Variants in RPS6KA2 observed in about 807,000 individuals in gnomAD.
The protein encoded by RPS6KA2 is ribosomal protein S6 kinase A2, also known as ribosomal protein S6 kinase alpha-2.
RPS6KA2 carries 42 observed loss-of-function variants against 91.8 expected under a neutral mutation model. The observed-to-expected ratio is 0.46, with a 90% CI of 0.36 to 0.59. The LOEUF is 0.59. Among genes scored for constraint, RPS6KA2 ranks in the 20% least tolerant of loss-of-function variants. The pLI is 0.00. For missense variants in RPS6KA2, 798 were observed against 978.5 expected (o/e 0.82, Z 2.46); for synonymous variants, 414 against 393.6 (o/e 1.05, Z -0.61).
At chr6:166,827,270 A>G (rs1408514029) in intron 2 of RPS6KA2, among the ~76,000 whole-genome samples, 1 of 112,832 alleles carries the variant, frequency 8.9e-6, no homozygotes, top group Non-Finnish European at 2.0e-5. Context: ...AAAAAAAAAA[A>G]AAAAAAAAAA....
At chr6:166,576,608 T>A (rs554288660) in intron 1 of RPS6KA2, among the ~76,000 whole-genome samples, 1 of 152,200 alleles carries the variant, frequency 6.6e-6, no homozygotes, top group Admixed American at 6.5e-5. Flanking sequence ...GAGAGATGAG[T>A]TCAGGTATCT....
rs1223629378 is a variant in RPS6KA2 at position 166,563,225 on chromosome 6, CTGGAGAAGGAAGA to C, written c.100-24454_100-24442del. On this transcript the variant is annotated intron_variant, in intron 1 of 20. Transcript: ENST00000265678. The surrounding 1 kb of genome is among the most constrained non-coding windows in gnomAD (Gnocchi z 4.1). Reference sequence around the variant, plus strand: ...TGGAGACACCGCCACGTCTGTGTCTCTGGAGAAGGAAGATGGAGAAGGCATCCTCCGGTGGGAT... The same window carrying C: ...TGGAGACACCGCCACGTCTGTGTCTCTGGAGAAGGCATCCTCCGGTGGGAT... Among the ~76,000 whole-genome samples, 1 of 152,184 alleles carries C rather than the reference CTGGAGAAGGAAGA, an allele frequency of 6.6e-6. No homozygotes were observed. Among genetic ancestry groups the C allele is most frequent in the Non-Finnish European group, 1.5e-5 (1 of 68,026 alleles).
chr6:166,739,479 G>A (rs10946184), intron 2 of RPS6KA2, among the ~76,000 whole-genome samples: 38,707 of 152,156 alleles, frequency 0.25, 5,269 homozygotes, highest in East Asian at 0.34. Context: ...CTAAAATCCG[G>A]GCCCTGGCGT....
intron 2 of RPS6KA2, chr6:166,701,856 G>A: frequency 2.2e-6 from 2 of 906,378 alleles, no homozygotes; most frequent in Non-Finnish European, 3.6e-6. Flanking sequence ...GTAATGGTGT[G>A]TTCTGGATTA....
At chr6:166,519,951 G>A (rs1320952560) in intron 3 of RPS6KA2, among the ~76,000 whole-genome samples, 1 of 152,118 alleles carries the variant, frequency 6.6e-6, no homozygotes, top group Non-Finnish European at 1.5e-5. Context: ...TGTGTGTGAG[G>A]GCGTTTCTGG....
intron 1 of RPS6KA2, among the ~76,000 whole-genome samples, chr6:166,615,411 G>A (rs541708927): frequency 1.3e-5 from 2 of 152,378 alleles, no homozygotes; most frequent in East Asian, 1.9e-4. Flanking sequence ...AGAATAAAGG[G>A]AGGAGTAAGA....
chr6:166,689,629 G>A (rs1235891884), intron 2 of RPS6KA2, among the ~76,000 whole-genome samples: 1 of 152,168 alleles, frequency 6.6e-6, no homozygotes, highest in Non-Finnish European at 1.5e-5. Context: ...GGCAGGCCAG[G>A]GGGACCTAGT....
At chr6:166,454,022 G>T (rs1178829867) in intron 12 of RPS6KA2, among the ~76,000 whole-genome samples, 1 of 152,204 alleles carries the variant, frequency 6.6e-6, no homozygotes, top group Non-Finnish European at 1.5e-5. Flanking sequence ...GCATGTGGAT[G>T]TCGAGTGTGG....
At chr6:166,573,743 C>T (rs905353450) in intron 1 of RPS6KA2, among the ~76,000 whole-genome samples, 3 of 152,180 alleles carry the variant, frequency 2.0e-5, no homozygotes, top group African/African-American at 4.8e-5. Context: ...CTTGCAGCCT[C>T]GAGTCCATTG....
At chr6:166,776,259 C>T (rs912306363) in intron 2 of RPS6KA2, among the ~76,000 whole-genome samples, 6 of 152,124 alleles carry the variant, frequency 3.9e-5, no homozygotes, top group Admixed American at 6.5e-5. Context: ...GGAGGTTCAA[C>T]GAAAAGCTGA....
At chr6:166,855,483 AG>A (rs2128633789) in intron 2 of RPS6KA2, among the ~76,000 whole-genome samples, 1 of 68,266 alleles carries the variant, frequency 1.5e-5, no homozygotes, top group South Asian at 6.2e-4. Flanking sequence ...AGGAAGAAGA[AG>A]AAGAGGAAGA....
intron 6 of RPS6KA2, among the ~76,000 whole-genome samples, chr6:166,504,174 C>T (rs192805125): frequency 3.9e-5 from 6 of 152,318 alleles, no homozygotes; most frequent in Admixed American, 2.6e-4. Context: ...GGAGAGAGGG[C>T]GGGAATGTGG....
chr6:166,472,740 C>T (rs895926314), intron 10 of RPS6KA2, among the ~76,000 whole-genome samples: 6 of 152,084 alleles, frequency 3.9e-5, no homozygotes, highest in African/African-American at 1.2e-4. Flanking sequence ...CGGGGAGAAT[C>T]GGAAGGTATC....
At chr6:166,514,307 A>G (rs1173130367) in intron 3 of RPS6KA2, among the ~76,000 whole-genome samples, 1 of 152,148 alleles carries the variant, frequency 6.6e-6, no homozygotes, top group Non-Finnish European at 1.5e-5. Context: ...CCCAGTGGGG[A>G]GATGCCCTGT....
chr6:166,833,861 C>A (rs1408341163), intron 2 of RPS6KA2, among the ~76,000 whole-genome samples: 4 of 151,924 alleles, frequency 2.6e-5, no homozygotes, highest in African/African-American at 9.7e-5. Context: ...TGTTTTTATT[C>A]CTTTTGCATA....
At chr6:166,802,682 A>C (rs845659) in intron 2 of RPS6KA2, among the ~76,000 whole-genome samples, 1 of 152,008 alleles carries the variant, frequency 6.6e-6, no homozygotes, top group Non-Finnish European at 1.5e-5. Context: ...CATGAAAACC[A>C]GTTGATCTGT....
At chr6:166,615,508 A>C (rs1583329338) in intron 1 of RPS6KA2, among the ~76,000 whole-genome samples, 1 of 152,154 alleles carries the variant, frequency 6.6e-6, no homozygotes, top group African/African-American at 2.4e-5. Context: ...GGCCAGGCTG[A>C]CCTGCCCAGT....
At chr6:166,510,044 T>C (rs1342804751) in intron 4 of RPS6KA2, among the ~76,000 whole-genome samples, 1 of 152,202 alleles carries the variant, frequency 6.6e-6, no homozygotes, top group Non-Finnish European at 1.5e-5. Flanking sequence ...GGATACCCCA[T>C]CTAAAATTAG....
intron 2 of RPS6KA2, among the ~76,000 whole-genome samples, chr6:166,798,578 G>A (rs944852893): frequency 1.6e-4 from 25 of 152,240 alleles, no homozygotes; most frequent in African/African-American, 5.5e-4. Flanking sequence ...CAGCTGGGGA[G>A]CGGCCCTCTC....
Sources: allele counts gnomAD v4.1 joint callset (sites outside exome capture counted in the v4.1 genomes callset), GRCh38; gene constraint gnomAD v4.1.1; non-coding constraint Gnocchi (gnomAD v3.1); transcripts MANE v1.5; gene names NCBI Gene and HGNC (gene_info 2026-07-23, HGNC 2026-07-21).